TRAPPC10: variants seen among roughly 807,000 people sequenced by gnomAD.
TRAPPC10 encodes TRAPP 130 kDa subunit.
Under a neutral mutation model 125.5 loss-of-function variants are expected in TRAPPC10, and 23 were observed. That is an observed-to-expected ratio of 0.18 (90% CI 0.13 to 0.26). The LOEUF (loss-of-function observed/expected upper bound fraction) is 0.26, where lower values mean the gene tolerates loss of function less well. Among genes scored for constraint, TRAPPC10 ranks in the 10% least tolerant of loss-of-function variants. TRAPPC10 has a pLI of 1.00. For synonymous variants in TRAPPC10, 509 were observed against 518.0 expected, an observed-to-expected ratio of 0.98 and a Z score of 0.24; for missense variants, 1,123 against 1,308.4, an observed-to-expected ratio of 0.86 and a Z score of 2.19.
At chr21:44,089,211 T>C in intron 17 of TRAPPC10, 1 of 326,248 alleles carries the variant, frequency 3.1e-6, no homozygotes, top group South Asian at 2.3e-5. Flanking sequence ...TGCCGTGTTA[T>C]CCTCTCTTCC....
chr21:44,064,045 T>TGGC (rs1321405242), intron 7 of TRAPPC10, among the ~76,000 whole-genome samples: 1 of 152,236 alleles, frequency 6.6e-6, no homozygotes, highest in Non-Finnish European at 1.5e-5. Flanking sequence ...TGAAGCTCAC[T>TGGC]GGCTGACTGC....
chr21:44,076,431 G>A (rs2037288562), intron 9 of TRAPPC10, 121 bp from the exon 10 acceptor site: 11 of 704,650 alleles, frequency 1.6e-5, no homozygotes, highest in Admixed American at 2.5e-5. Flanking sequence ...GGCATTGGCC[G>A]GTTTGTAATT....
In TRAPPC10 at chr21:44,084,162, C is replaced by T. The variant is rs751933577; in HGVS notation, c.2279C>T (p.Ala760Val). The stretch of plus-strand genomic sequence containing the variant: ...ACGTATACACTCAGGCAGCTGTGCG[C>T]CTCGGTGGGCTCCGTGTGGTTCGTC... ...PGTYTLRQLC[A>V]SVGSVWFVLP... Residue 760 changes from alanine (A) to valine (V), a missense_variant, in exon 15 of 23, where the codon GCC becomes GTC. Coordinates refer to ENST00000291574, the MANE Select transcript of TRAPPC10 (RefSeq NM_003274.5). 2 of 1,614,104 alleles carry T rather than the reference C, an allele frequency of 1.2e-6. No homozygotes were observed. The highest frequency in any genetic ancestry group is 1.3e-5 in the African/African-American group (1 of 74,950).
intron 8 of TRAPPC10, 67 bp downstream of exon 8, chr21:44,074,537 G>C: frequency 6.2e-7 from 1 of 1,601,262 alleles, no homozygotes; most frequent in Middle Eastern, 1.7e-4. Context: ...GGCGGAGGAA[G>C]TCTGCTGTTT....
chr21:44,032,922 T>C (rs2033702829), intron 2 of TRAPPC10, among the ~76,000 whole-genome samples: 1 of 152,182 alleles, frequency 6.6e-6, no homozygotes, highest in Non-Finnish European at 1.5e-5. Context: ...TGCGTTTTCC[T>C]TAAGGACAAG....
chr21:44,093,964 G>C (rs1247959436), intron 19 of TRAPPC10, 99 bp from the exon 20 acceptor site: 1 of 1,333,210 alleles, frequency 7.5e-7, no homozygotes, highest in Non-Finnish European at 1.0e-6. Flanking sequence ...CATGGTGTCT[G>C]CTCAGCACCC....
In TRAPPC10 at chr21:44,082,867, C is replaced by T. The variant is rs776899826; in HGVS notation, c.1803C>T (p.His601=). The T allele has an allele frequency of 1.2e-5, 20 of 1,613,964 alleles. No homozygotes were observed. In the South Asian group the frequency reaches 1.4e-4, roughly 12 times the overall value. Residue 601 remains histidine, a synonymous_variant, in exon 14 of 23, where the codon CAC becomes CAT. Transcript: ENST00000291574. The surrounding 1 kb of genome is among the most constrained non-coding windows in gnomAD (Gnocchi z 4.4). ...TTGATCCCTCCAATGCCGTGGTCCA[C>T]GTGGGCGGCGTTTTGTGCGTTGAGA... The part of the protein sequence containing the change: ...LHFDPSNAVV[H]VGGVLCVEIT...
chr21:44,052,300 T>C lies in TRAPPC10; in HGVS notation c.306T>C (p.Ala102=). ...TTTAGGATACCGAAGTGTATAAAGC[T>C]ACAGTAAAAGATGACCTCACCAAGT... ...TECCDTEVYK[A]TVKDDLTKWQ... The change falls in exon 4 of 23, where the codon GCT becomes GCC. Residue 102 remains alanine (A), a synonymous_variant. Transcript: ENST00000291574. 1 of 1,601,584 alleles carries C rather than the reference T, an allele frequency of 6.2e-7. No individual in the cohort carries two copies. Among genetic ancestry groups the C allele is most frequent in the Admixed American group, 1.8e-5 (1 of 56,184 alleles).
intron 1 of TRAPPC10, among the ~76,000 whole-genome samples, chr21:44,014,479 C>T (rs907396555): frequency 3.9e-5 from 6 of 151,976 alleles, no homozygotes; most frequent in South Asian, 2.1e-4. Flanking sequence ...GATCTTGGCT[C>T]ACTGCAACCT....
chr21:44,019,494 A>T (rs2032254797), intron 1 of TRAPPC10, among the ~76,000 whole-genome samples: 1 of 152,276 alleles, frequency 6.6e-6, no homozygotes, highest in African/African-American at 2.4e-5. Context: ...CTTAATGTCA[A>T]ATATAGTCAC....
rs914962675 is a variant in TRAPPC10, at chr21:44,052,613, C to G, written c.482+137C>G. The G allele has an allele frequency of 3.8e-6, 3 of 786,804 alleles. No homozygotes were observed. The African/African-American group carries it at 5.3e-5, about 14-fold the overall frequency. 48.7% of individuals were successfully genotyped at this position (786,804 alleles called of 1,614,324 possible). On this transcript the variant is annotated intron_variant, in intron 4 of 22. Coordinates refer to ENST00000291574, the MANE Select transcript of TRAPPC10 (RefSeq NM_003274.5). ...GGGGTGCTGTCAAGGAGACCTGGTG[C>G]CTGTCCTTGTGGAGTTCCTGTTTAG...
chr21:44,046,975 T>C, intron 3 of TRAPPC10: 1 of 831,242 alleles, frequency 1.2e-6, no homozygotes, highest in Non-Finnish European at 2.0e-6. Context: ...GCAAGCCGGC[T>C]CTGCGAGCGG....
chr21:44,058,797 G>A (rs190102234), intron 5 of TRAPPC10, among the ~76,000 whole-genome samples: 44 of 152,340 alleles, frequency 2.9e-4, no homozygotes, highest in Non-Finnish European at 1.5e-4. Flanking sequence ...CACAGTGAGG[G>A]GCGAGGGGAG....
rs1159261472 is a variant in TRAPPC10 at position 44,037,874 on chromosome 21, A to C, written c.232A>C (p.Asn78His). ...AGAGGAGCTGCTGCCCAAAGAAGGA[A>C]ACAAAGCTCTGCTCACGTTTCCCTT... ...FKEELLPKEGNKALLTFPFLH... is the reference protein window; with the variant it reads ...FKEELLPKEGHKALLTFPFLH... The change falls in exon 3 of 23, where the codon AAC becomes CAC. Residue 78 changes from asparagine (N) to histidine (H), a missense_variant. Physicochemically the swap from Asn to His is moderately conservative, Grantham distance 68. Around this residue, in one of 4 missense-constraint regions of TRAPPC10, gnomAD observed 177 missense variants for 228.9 expected, o/e 0.77. Coordinates refer to ENST00000291574, the MANE Select transcript of TRAPPC10 (RefSeq NM_003274.5). The C allele has an allele frequency of 6.2e-7, 1 of 1,614,170 alleles. No individual in the cohort carries two copies. Among genetic ancestry groups the C allele is most frequent in the Admixed American group, 1.7e-5 (1 of 60,024 alleles).
Position 44,087,143 on chromosome 21 carries a change from CTG to C in TRAPPC10, c.2539+184_2539+185del, listed in dbSNP as rs1433740091. On this transcript the variant is annotated intron_variant, in intron 16 of 22. Transcript: ENST00000291574. The surrounding 1 kb of genome is among the most constrained non-coding windows in gnomAD (Gnocchi z 4.6). ...CTGGGGTCCCATCTGAGGTGATAAA[CTG>C]AGAGTGGTTCACACGCTGAGTGGCC... 6.6e-6 allele frequency among the ~76,000 whole-genome samples: 1 copy of C among 152,208 alleles called. No homozygotes were observed. The highest frequency in any genetic ancestry group is 6.5e-5 in the Admixed American group (1 of 15,282).
At chr21:44,029,658 G>T (rs1483533500) in intron 1 of TRAPPC10, among the ~76,000 whole-genome samples, 1 of 152,260 alleles carries the variant, frequency 6.6e-6, no homozygotes, top group East Asian at 1.9e-4. Context: ...TAGCACAAAT[G>T]CGCTGTGTCA....
Position 44,079,603 on chromosome 21 carries a change from A to T in TRAPPC10, c.1509A>T (p.Gln503His). Residue 503 changes from glutamine (Q) to histidine (H), a missense_variant, in exon 12 of 23, where the codon CAA (glutamine) becomes CAT (histidine). Around this residue, in one of 4 missense-constraint regions of TRAPPC10, gnomAD observed 840 missense variants for 902.0 expected, o/e 0.93. Coordinates refer to ENST00000291574, the MANE Select transcript of TRAPPC10 (RefSeq NM_003274.5). ...CACAAAAGGCAGAAATCTATCTTCA[A>T]GGAGCACTGAAAAACTACCTGGCTG... ...KAPQKAEIYL[Q>H]GALKNYLAEG... The T allele has an allele frequency of 6.2e-7, 1 of 1,607,340 alleles. No homozygotes were observed. Among genetic ancestry groups the T allele is most frequent in the Non-Finnish European group, 8.5e-7 (1 of 1,178,538 alleles).
intron 3 of TRAPPC10, among the ~76,000 whole-genome samples, chr21:44,047,532 A>ATGTGTGTGTGTG (rs33940679): frequency 0.019 from 2,686 of 142,844 alleles, 39 homozygotes; most frequent in African/African-American, 0.038. Context: ...CTGGGGGAGT[A>ATGTGTGTGTGTG]TGTGTGTGTG....
chr21:44,062,579 C>T, intron 6 of TRAPPC10: 1 of 985,176 alleles, frequency 1.0e-6, no homozygotes, highest in Non-Finnish European at 1.2e-6. Flanking sequence ...TGGTACAGGG[C>T]TGGGCTGGTA....
Sources: gnomAD v4.1 joint callset for allele counts (sites outside exome capture counted in the v4.1 genomes callset) on GRCh38, gnomAD v4.1.1 for gene constraint, gnomAD v4.1.1 regional missense constraint, Gnocchi (gnomAD v3.1) non-coding constraint, MANE v1.5 for transcripts, NCBI Gene and HGNC (gene_info 2026-07-23, HGNC 2026-07-21) for gene names.